FAM120B: variants seen among roughly 807,000 people sequenced by gnomAD.
FAM120B encodes family with sequence similarity 120 member B.
FAM120B carries 83 observed loss-of-function variants against 96.3 expected under a neutral mutation model. That is an observed-to-expected ratio of 0.86 (90% CI 0.72 to 1.03). The LOEUF is 1.03. FAM120B is among the 50% of genes least tolerant of loss of function. The pLI, the probability that FAM120B is intolerant of heterozygous loss-of-function variation, is 0.00. For missense variants in FAM120B, 1,027 were observed against 1,121.2 expected (o/e 0.92, Z 1.20); for synonymous variants, 407 against 402.7 (o/e 1.01, Z -0.13).
chr6:170,335,706 G>A (rs115614403), intron 4 of FAM120B, among the ~76,000 whole-genome samples: 2,542 of 152,150 alleles, frequency 0.017, 85 homozygotes, highest in African/African-American at 0.058. Context: ...CCACATCCTC[G>A]CCAGCATAGT....
intron 8 of FAM120B, among the ~76,000 whole-genome samples, chr6:170,392,928 T>C (rs1169006530): frequency 6.6e-6 from 1 of 152,188 alleles, no homozygotes; most frequent in Non-Finnish European, 1.5e-5. Flanking sequence ...TAGACAGAGA[T>C]TGAGACCCCC....
Position 170,391,546 on chromosome 6 carries a change from A to G in FAM120B, c.2599+425A>G, listed in dbSNP as rs565319584. 3.6e-3 allele frequency among the ~76,000 whole-genome samples: 548 copies of G among 152,178 alleles called. 5 individuals are homozygous for G. Among genetic ancestry groups the G allele is most frequent in the African/African-American group, 0.013 (521 of 41,532 alleles). ...CGAGACTCCATCTCAAAAAAAAAAAAGTATTAAAATCTCTACCCAGTGGTT... is the reference window on the plus strand; with the variant it reads ...CGAGACTCCATCTCAAAAAAAAAAAGGTATTAAAATCTCTACCCAGTGGTT... On this transcript the variant is annotated intron_variant, in intron 8 of 10. Transcript: ENST00000476287.
intron 1 of FAM120B, among the ~76,000 whole-genome samples, chr6:170,307,779 A>G (rs1784376704): frequency 2.0e-5 from 3 of 152,194 alleles, no homozygotes; most frequent in Admixed American, 6.5e-5. Context: ...GACTGCAGAC[A>G]GACAAAAAGG....
In FAM120B at chr6:170,404,577, G is replaced by A; in HGVS notation, c.2720G>A (p.Trp907Ter). Residue 907 changes from tryptophan (W) to a stop codon, truncating the protein, a stop_gained, in exon 10 of 11, where the codon TGG becomes TAG. Coordinates refer to ENST00000476287, the MANE Select transcript of FAM120B (RefSeq NM_032448.3). LOFTEE classifies it high-confidence loss of function. ...AGCAGACAGTATGAGCATGACCAGT[G>A]GAGAAGGTACTAGTCAACCTCCAGG... ...PGSRQYEHDQ[W>*]RRY 6.2e-7 allele frequency: 1 copy of A among 1,613,834 alleles called. No homozygotes were observed. Among genetic ancestry groups the A allele is most frequent in the Non-Finnish European group, 8.5e-7 (1 of 1,179,768 alleles).
Position 170,406,817 on chromosome 6 carries a change from T to A in FAM120B, c.*2066T>A. The stretch of plus-strand genomic sequence containing the variant: ...TTCCTCATCCCTTAGACTAAGAGAG[T>A]GGGTGTCTGTGAAAATTGTTTTCTC... On this transcript the variant is annotated 3_prime_UTR_variant, in exon 11 of 11. Transcript: ENST00000476287. The A allele has an allele frequency of 6.6e-6, 1 of 152,142 alleles. No homozygotes were observed. Among genetic ancestry groups the A allele is most frequent in the South Asian group, 2.1e-4 (1 of 4,822 alleles). The allele number at this position is 152,142 out of a possible 1,614,324, so 9.4% of individuals were successfully genotyped here.
At position 170,318,256 on chromosome 6, in the gene FAM120B, C is replaced by T. The variant is rs1294865212; in HGVS notation, c.866C>T (p.Pro289Leu). ...GAGAAAAAATTAGAAGAGATATTAC[C>T]TCTGGGACCAAACAAAGCTCTTTTT... is the stretch of plus-strand genomic sequence containing the variant. Reference protein sequence around the residue: ...QGEKKLEEILPLGPNKALFYK... With the variant: ...QGEKKLEEILLLGPNKALFYK... Residue 289 changes from proline to leucine, a missense_variant, in exon 2 of 11, where the codon CCT becomes CTT. Around this residue, in one of 3 missense-constraint regions of FAM120B, gnomAD observed 880 missense variants for 980.9 expected, o/e 0.90. Transcript: ENST00000476287. 1 of 1,614,078 alleles carries T rather than the reference C, an allele frequency of 6.2e-7. No homozygotes were observed. The highest frequency in any genetic ancestry group is 8.5e-7 in the Non-Finnish European group (1 of 1,180,016).
At position 170,318,956 on chromosome 6, in the gene FAM120B, G is replaced by A; in HGVS notation, c.1566G>A (p.Met522Ile). 6.2e-7 allele frequency: 1 copy of A among 1,614,214 alleles called. No individual in the cohort carries two copies. The highest frequency in any genetic ancestry group is 8.5e-7 in the Non-Finnish European group (1 of 1,180,032). The change falls in exon 2 of 11, where the codon ATG (methionine) becomes ATA (isoleucine). Residue 522 changes from methionine to isoleucine, a missense_variant. Physicochemically the swap from Met to Ile is conservative, Grantham distance 10. Around this residue, in one of 3 missense-constraint regions of FAM120B, gnomAD observed 880 missense variants for 980.9 expected, o/e 0.90. Coordinates refer to ENST00000476287, the MANE Select transcript of FAM120B (RefSeq NM_032448.3). ...TDPISKQEDS[M>I]CTHAEINQKL... ...CTATATCCAAGCAAGAAGACTCCAT[G>A]TGTACACACGCTGAAATCAATCAAA... is the stretch of plus-strand genomic sequence containing the variant.
chr6:170,333,529 T>G (rs1414935826), intron 4 of FAM120B, among the ~76,000 whole-genome samples: 2 of 151,566 alleles, frequency 1.3e-5, no homozygotes, highest in Non-Finnish European at 2.9e-5. Flanking sequence ...TTTTTTTTTT[T>G]TTTTTTGAGA....
chr6:170,297,243 T>TC (rs908862848), intron 1 of FAM120B, among the ~76,000 whole-genome samples: 1 of 151,786 alleles, frequency 6.6e-6, no homozygotes, highest in Non-Finnish European at 1.5e-5. Context: ...GGACCCCGCG[T>TC]CCCCCCAGGC....
intron 6 of FAM120B, among the ~76,000 whole-genome samples, chr6:170,360,591 C>T (rs918332373): frequency 3.9e-5 from 6 of 152,196 alleles, no homozygotes; most frequent in African/African-American, 1.4e-4. Flanking sequence ...CACTCAGCAG[C>T]ACTGGCGTAT....
intron 1 of FAM120B, among the ~76,000 whole-genome samples, chr6:170,316,373 A>G (rs947897080): frequency 2.0e-5 from 3 of 152,336 alleles, no homozygotes; most frequent in South Asian, 4.1e-4. Flanking sequence ...GTTGTGTTTT[A>G]TCAAAGGACA....
rs766350212 is a variant in FAM120B, at chr6:170,395,546, A to T, written c.2659A>T (p.Ser887Cys). The T allele has an allele frequency of 2.5e-6, 4 of 1,599,016 alleles. No individual in the cohort carries two copies. In the South Asian group the frequency reaches 3.4e-5, roughly 14 times the overall value. The part of the protein sequence containing the change: ...HRTGSGYSRS[S>C]QGQPWRDQGP... ...GACGGGCTCTGGGTATAGCCGTTCC[A>T]GTCAGGGACAGCCGTGGAGAGACCA... The change falls in exon 9 of 11, where the codon AGT becomes TGT. Residue 887 changes from serine (S) to cysteine (C), a missense_variant. This residue lies in a region of FAM120B where 142 missense variants were observed against 122.5 expected (regional missense o/e 1.16). Coordinates refer to ENST00000476287, the MANE Select transcript of FAM120B (RefSeq NM_032448.3).
At chr6:170,329,167 C>G (rs908521391) in intron 3 of FAM120B, among the ~76,000 whole-genome samples, 1 of 152,250 alleles carries the variant, frequency 6.6e-6, no homozygotes, top group Non-Finnish European at 1.5e-5. Context: ...GGGCACTTGC[C>G]ATCTGCACAC....
intron 4 of FAM120B, among the ~76,000 whole-genome samples, chr6:170,344,154 C>T (rs1787022955): frequency 7.6e-6 from 1 of 132,124 alleles, no homozygotes; most frequent in Non-Finnish European, 1.6e-5. Context: ...TGAGCAGCCC[C>T]ACCTTGGAAG....
intron 7 of FAM120B, among the ~76,000 whole-genome samples, chr6:170,388,713 T>G (rs568713649): frequency 1.9e-4 from 29 of 152,340 alleles, no homozygotes; most frequent in African/African-American, 6.3e-4. Flanking sequence ...CAGAAGTGTT[T>G]TGGATTTTGA....
At chr6:170,312,717 A>G (rs1217579277) in intron 1 of FAM120B, among the ~76,000 whole-genome samples, 2 of 127,586 alleles carry the variant, frequency 1.6e-5, no homozygotes, top group Non-Finnish European at 3.6e-5. Flanking sequence ...TGCCGATGTT[A>G]AAATTCTAAC....
chr6:170,376,704 G>A (rs1418989655), intron 6 of FAM120B, among the ~76,000 whole-genome samples: 3 of 152,224 alleles, frequency 2.0e-5, no homozygotes, highest in East Asian at 1.9e-4. Flanking sequence ...GGTGAGGCAG[G>A]AGAGACAGTG....
chr6:170,364,293 G>C (rs1196429294), intron 6 of FAM120B, among the ~76,000 whole-genome samples: 1 of 152,162 alleles, frequency 6.6e-6, no homozygotes, highest in African/African-American at 2.4e-5. Flanking sequence ...CTTTCACACT[G>C]TGGGCCTTGT....
chr6:170,341,380 C>T (rs922965907), intron 4 of FAM120B, among the ~76,000 whole-genome samples: 5 of 152,332 alleles, frequency 3.3e-5, no homozygotes, highest in African/African-American at 1.2e-4. Context: ...CGACTTCAGA[C>T]TGCTGTGCTG....
Sources: gnomAD v4.1 joint callset for allele counts (sites outside exome capture counted in the v4.1 genomes callset) on GRCh38, gnomAD v4.1.1 for gene constraint, gnomAD v4.1.1 regional missense constraint, MANE v1.5 for transcripts, NCBI Gene and HGNC (gene_info 2026-07-23, HGNC 2026-07-21) for gene names.